The following FHIT variants were observed in gnomAD, a reference collection of about 807,000 sequenced individuals.
The protein encoded by FHIT is fragile histidine triad diadenosine triphosphatase.
In FHIT, 19 loss-of-function variants were observed where a neutral mutation model predicts 17.9. That is an observed-to-expected ratio of 1.06 (90% CI 0.74 to 1.56). FHIT has a LOEUF of 1.56. Among genes scored for constraint, FHIT ranks in the 40% most tolerant of loss-of-function variants. The pLI, the probability that FHIT is intolerant of heterozygous loss-of-function variation, is 0.00. For missense variants in FHIT, 248 were observed against 189.2 expected (o/e 1.31, Z -1.82); for synonymous variants, 81 against 69.7 (o/e 1.16, Z -0.81).
intron 5 of FHIT, among the ~76,000 whole-genome samples, chr3:60,360,803 A>AG (rs1312130212): frequency 6.6e-6 from 1 of 152,140 alleles, no homozygotes; most frequent in African/African-American, 2.4e-5. Context: ...CCACTGACCC[A>AG]GGCTTGGAAT....
At chr3:61,189,612 C>T (rs1403896800) in intron 2 of FHIT, among the ~76,000 whole-genome samples, 1 of 152,144 alleles carries the variant, frequency 6.6e-6, no homozygotes, top group Non-Finnish European at 1.5e-5. Flanking sequence ...CCAAAAACGA[C>T]CCCGCATCAC....
At chr3:60,019,000 C>T (rs1344974906) in intron 5 of FHIT, among the ~76,000 whole-genome samples, 1 of 152,064 alleles carries the variant, frequency 6.6e-6, no homozygotes, top group Non-Finnish European at 1.5e-5. Flanking sequence ...ACAACAACAA[C>T]AAACCAACAT....
chr3:60,668,676 C>G (rs1259272321), intron 4 of FHIT, among the ~76,000 whole-genome samples: 3 of 151,154 alleles, frequency 2.0e-5, no homozygotes, highest in African/African-American at 7.3e-5. Flanking sequence ...ATTCTCCTGC[C>G]TCAGCCTCCC....
At chr3:61,177,934 T>C (rs1387683022) in intron 2 of FHIT, among the ~76,000 whole-genome samples, 1 of 152,176 alleles carries the variant, frequency 6.6e-6, no homozygotes, top group Non-Finnish European at 1.5e-5. Flanking sequence ...ACCACCACTT[T>C]CTGGGTTTTT....
At chr3:59,898,420 A>C (rs1012638532) in intron 8 of FHIT, among the ~76,000 whole-genome samples, 1 of 150,448 alleles carries the variant, frequency 6.6e-6, no homozygotes, top group Non-Finnish European at 1.5e-5. Context: ...CCATATTTGT[A>C]TATATGTGTG....
chr3:60,567,103 A>G (rs1215862615), intron 4 of FHIT, among the ~76,000 whole-genome samples: 1 of 151,638 alleles, frequency 6.6e-6, no homozygotes, highest in Non-Finnish European at 1.5e-5. Flanking sequence ...GAATTGGAAA[A>G]AACTACTTTA....
chr3:60,916,466 G>C (rs190318038), intron 3 of FHIT, among the ~76,000 whole-genome samples: 2 of 152,212 alleles, frequency 1.3e-5, no homozygotes, highest in East Asian at 3.9e-4. Flanking sequence ...CTCTTAAAAA[G>C]AGTCGGGGTA....
intron 4 of FHIT, among the ~76,000 whole-genome samples, chr3:60,565,995 T>C (rs2037120310): frequency 6.6e-6 from 1 of 152,228 alleles, no homozygotes; most frequent in African/African-American, 2.4e-5. Context: ...AACATCTTTA[T>C]TTCTGCCTTC....
In FHIT at chr3:60,601,102, C is replaced by T. The variant is rs549646526; in HGVS notation, c.-17-64123G>A. On this transcript the variant is annotated intron_variant, in intron 4 of 9. Coordinates refer to ENST00000492590, the MANE Select transcript of FHIT (RefSeq NM_002012.4). ...ACAGCAATGTGCCAAGTGACAGAAC[C>T]TTTGAAAGCCCAAAGACTGCAACAA... 5.6e-4 allele frequency among the ~76,000 whole-genome samples: 86 copies of T among 152,290 alleles called. 1 individual carries two copies. Among genetic ancestry groups the T allele is most frequent in the African/African-American group, 2.0e-3 (83 of 41,584 alleles).
At chr3:60,000,788 A>G (rs1699700488) in intron 7 of FHIT, among the ~76,000 whole-genome samples, 1 of 152,154 alleles carries the variant, frequency 6.6e-6, no homozygotes, top group South Asian at 2.1e-4. Context: ...TATATTTAAA[A>G]TTGAATTACA....
At chr3:60,279,995 G>A (rs1243154681) in intron 5 of FHIT, among the ~76,000 whole-genome samples, 4 of 147,000 alleles carry the variant, frequency 2.7e-5, no homozygotes, top group Non-Finnish European at 5.9e-5. Context: ...TCGTGCCACC[G>A]CACTCCAGCG....
chr3:61,006,204 T>C (rs1437010411), intron 3 of FHIT, among the ~76,000 whole-genome samples: 1 of 152,206 alleles, frequency 6.6e-6, no homozygotes, highest in Non-Finnish European at 1.5e-5. Context: ...AATTTCAATT[T>C]TGAACCTTCT....
At chr3:61,098,497 T>C (rs572083216) in intron 2 of FHIT, among the ~76,000 whole-genome samples, 1 of 152,338 alleles carries the variant, frequency 6.6e-6, no homozygotes, top group Non-Finnish European at 1.5e-5. Flanking sequence ...ATCTCAATGG[T>C]AGATTAATAG....
rs543909499 is a variant in FHIT at position 60,608,736 on chromosome 3, A to C, written c.-17-71757T>G. Among the ~76,000 whole-genome samples the C allele has an allele frequency of 1.9e-4, 29 of 152,352 alleles. 1 individual carries two copies. The South Asian group carries it at 5.8e-3, about 31-fold the overall frequency. The stretch of plus-strand genomic sequence containing the variant: ...TAGGAATAATAAATACAAAAGAAAA[A>C]ATAAATCCTAAATTATGAACATCGT... On this transcript the variant is annotated intron_variant, in intron 4 of 9. Coordinates refer to ENST00000492590, the MANE Select transcript of FHIT (RefSeq NM_002012.4).
chr3:59,848,874 T>C (rs992703081), intron 8 of FHIT, among the ~76,000 whole-genome samples: 4 of 152,222 alleles, frequency 2.6e-5, no homozygotes, highest in Admixed American at 6.5e-5. Flanking sequence ...AGTCCCTGTC[T>C]CTCATCCTTC....
chr3:59,931,803 A>G (rs1014234530), intron 7 of FHIT, among the ~76,000 whole-genome samples: 38 of 152,170 alleles, frequency 2.5e-4, no homozygotes, highest in Non-Finnish European at 4.7e-4. Flanking sequence ...GTGAGTTATA[A>G]TAATATATCA....
chr3:60,004,262 C>CT (rs1465508091), intron 7 of FHIT, among the ~76,000 whole-genome samples: 3 of 152,054 alleles, frequency 2.0e-5, no homozygotes, highest in Non-Finnish European at 4.4e-5. Context: ...TTACTGAATC[C>CT]TATAAAACAC....
At chr3:60,917,994 A>G (rs1171442386) in intron 3 of FHIT, among the ~76,000 whole-genome samples, 1 of 152,188 alleles carries the variant, frequency 6.6e-6, no homozygotes, top group Non-Finnish European at 1.5e-5. Flanking sequence ...TAACTCTTAT[A>G]ATTCCCACAT....
At chr3:60,803,818 G>A (rs1553733069) in intron 4 of FHIT, among the ~76,000 whole-genome samples, 1 of 152,140 alleles carries the variant, frequency 6.6e-6, no homozygotes, top group Non-Finnish European at 1.5e-5. Context: ...GTTTCTCGCT[G>A]AATGCCAACT....
Sources: allele counts gnomAD v4.1 joint callset (sites outside exome capture counted in the v4.1 genomes callset), GRCh38; gene constraint gnomAD v4.1.1; transcripts MANE v1.5; gene names NCBI Gene and HGNC (gene_info 2026-07-23, HGNC 2026-07-21).